The following CCDC144A variants were observed in gnomAD, a reference collection of about 807,000 sequenced individuals.
The protein encoded by CCDC144A is coiled-coil domain-containing protein 144A.
CCDC144A carries 41 observed loss-of-function variants against 143.8 expected under a neutral mutation model. The observed-to-expected ratio is 0.29, with a 90% CI of 0.22 to 0.37. The LOEUF (loss-of-function observed/expected upper bound fraction) is 0.37. Among genes scored for constraint, CCDC144A ranks in the 10% least tolerant of loss-of-function variants. The pLI is 1.00. For synonymous variants in CCDC144A, 242 were observed against 517.9 expected, an observed-to-expected ratio of 0.47 and a Z score of 7.23; for missense variants, 637 against 1,488.8, an observed-to-expected ratio of 0.43 and a Z score of 9.41.
intron 5 of CCDC144A, among the ~76,000 whole-genome samples, chr17:16,711,153 A>C (rs1490525098): frequency 7.2e-5 from 10 of 139,012 alleles, no homozygotes; most frequent in South Asian, 2.4e-4. Context: ...AAAAAAAAAA[A>C]AAAAACAAAA....
chr17:16,692,165 T>C (rs1911126888), intron 1 of CCDC144A, among the ~76,000 whole-genome samples: 1 of 152,152 alleles, frequency 6.6e-6, no homozygotes, highest in Non-Finnish European at 1.5e-5. Context: ...TTGTTTTCCA[T>C]GTCAGTTGGA....
At chr17:16,723,426 C>T (rs952441689) in intron 8 of CCDC144A, among the ~76,000 whole-genome samples, 3 of 152,058 alleles carry the variant, frequency 2.0e-5, no homozygotes, top group Non-Finnish European at 4.4e-5. Flanking sequence ...TTGACCTCCT[C>T]ATAGTGTGTG....
chr17:16,740,687 A>G (rs536408314), intron 12 of CCDC144A, among the ~76,000 whole-genome samples: 15 of 152,298 alleles, frequency 9.8e-5, no homozygotes, highest in African/African-American at 2.9e-4. Context: ...AACTGATTCC[A>G]TAATATTTTG....
At chr17:16,703,349 C>T (rs532591107) in intron 2 of CCDC144A, among the ~76,000 whole-genome samples, 244 of 151,830 alleles carry the variant, frequency 1.6e-3, no homozygotes, top group Admixed American at 3.3e-3. Context: ...ACACAGGAAG[C>T]TCTGGTTTTC....
chr17:16,679,611 T>C, the CCDC144A span, among the ~76,000 whole-genome samples: 1 of 152,124 alleles, frequency 6.6e-6, no homozygotes. Context: ...TTCTTCACAC[T>C]GTTCTCAGTA....
Position 16,755,729 on chromosome 17 carries a change from T to G in CCDC144A, c.3373-5696T>G, listed in dbSNP as rs1915049722. Among the ~76,000 whole-genome samples, 8 of 152,290 alleles carry G rather than the reference T, an allele frequency of 5.3e-5. No homozygotes were observed. In the South Asian group the frequency reaches 1.7e-3, roughly 32 times the overall value. ...CATGAGCCACCATGCCTGGCTAATT[T>G]TGTATATTTTTAGTAGAGACAGGGT... is the stretch of plus-strand genomic sequence containing the variant. On this transcript the variant is annotated intron_variant, in intron 12 of 16. Coordinates refer to ENST00000399273, the MANE Select transcript of CCDC144A (RefSeq NM_001382000.1).
upstream of CCDC144A, among the ~76,000 whole-genome samples, chr17:16,689,036 T>A (rs1437921055): frequency 7.2e-5 from 11 of 152,130 alleles, no homozygotes. Flanking sequence ...CCCTGAGGCT[T>A]CAGTGACAAA....
intron 12 of CCDC144A, among the ~76,000 whole-genome samples, chr17:16,760,065 T>C (rs2687997): frequency 0.061 from 8,837 of 145,050 alleles, no homozygotes; most frequent in South Asian, 0.085. Context: ...TGAGGGTTCA[T>C]GGTATGGTTT....
intron 12 of CCDC144A, among the ~76,000 whole-genome samples, chr17:16,754,086 T>G (rs1341871359): frequency 6.6e-6 from 1 of 152,210 alleles, no homozygotes; most frequent in Non-Finnish European, 1.5e-5. Context: ...AATGTATCCA[T>G]TTTCCATACG....
rs557532210 is a variant in CCDC144A, at chr17:16,746,673, A to G, written c.3372+11030A>G. 54 of 1,611,428 alleles carry G rather than the reference A, an allele frequency of 3.4e-5. No homozygotes were observed. The South Asian group carries it at 5.8e-4, about 17-fold the overall frequency. On this transcript the variant is annotated intron_variant, in intron 12 of 16. Transcript: ENST00000399273. Reference sequence around the variant, plus strand: ...TAAAGACTCAGGTCGGCGGCGAAGAACTCGAAGTAGTCGTGTGCTGGCAGC... The same window carrying G: ...TAAAGACTCAGGTCGGCGGCGAAGAGCTCGAAGTAGTCGTGTGCTGGCAGC...
intron 2 of CCDC144A, among the ~76,000 whole-genome samples, chr17:16,698,781 A>G (rs1911559616): frequency 6.6e-6 from 1 of 152,240 alleles, no homozygotes; most frequent in Non-Finnish European, 1.5e-5. Flanking sequence ...TTGTGACACA[A>G]TTTCAGGTTT....
chr17:16,712,801 A>G (rs1912530003), intron 6 of CCDC144A, among the ~76,000 whole-genome samples: 2 of 152,198 alleles, frequency 1.3e-5, no homozygotes, highest in African/African-American at 2.4e-5. Flanking sequence ...CCAGGAGTGT[A>G]CTGATTATTT....
At position 16,734,834 on chromosome 17, in the gene CCDC144A, G is replaced by T. The variant is rs946961343; in HGVS notation, c.2563G>T (p.Ala855Ser). Residue 855 changes from alanine (A) to serine (S), a missense_variant, in exon 12 of 17, where the codon GCT (alanine) becomes TCT (serine). Transcript: ENST00000399273. ...AAAGAAATATTTTGAGGACATTGAG[G>T]CTGTGAAAGAAAAGAATGATAACCT... ...KEKKYFEDIE[A>S]VKEKNDNLQK... is the part of the protein sequence containing the mutation. 2 of 1,563,422 alleles carry T rather than the reference G, an allele frequency of 1.3e-6. No homozygotes were observed. Among genetic ancestry groups the T allele is most frequent in the East Asian group, 4.6e-5 (2 of 43,664 alleles).
chr17:16,687,201 A>G (rs989190070), upstream of CCDC144A, among the ~76,000 whole-genome samples: 1 of 152,030 alleles, frequency 6.6e-6, no homozygotes, highest in African/African-American at 2.4e-5. Flanking sequence ...GTTGTTCTGA[A>G]GATCCTTTTT....
intron 12 of CCDC144A, among the ~76,000 whole-genome samples, chr17:16,759,014 G>A (rs1483749779): frequency 6.6e-6 from 1 of 152,200 alleles, no homozygotes; most frequent in Admixed American, 6.5e-5. Flanking sequence ...GGAATTTGAG[G>A]CACCACCTTA....
chr17:16,748,792 A>G (rs1198904954), intron 12 of CCDC144A, among the ~76,000 whole-genome samples: 1 of 151,962 alleles, frequency 6.6e-6, no homozygotes, highest in East Asian at 1.9e-4. Flanking sequence ...TCATGATTTC[A>G]ATTTCCTCGT....
chr17:16,676,504 C>G, the CCDC144A span, among the ~76,000 whole-genome samples: 1 of 148,558 alleles, frequency 6.7e-6, no homozygotes, highest in South Asian at 2.1e-4. Context: ...GAGCGGGACT[C>G]CGTCTCCAAA....
At chr17:16,756,924 G>A (rs1302336476) in intron 12 of CCDC144A, among the ~76,000 whole-genome samples, 1 of 152,248 alleles carries the variant, frequency 6.6e-6, no homozygotes, top group Non-Finnish European at 1.5e-5. Context: ...AGTGGCTTAC[G>A]GTGTGGTTGT....
upstream of CCDC144A, among the ~76,000 whole-genome samples, chr17:16,685,510 A>G (rs1045498167): frequency 1.3e-5 from 2 of 152,022 alleles, no homozygotes; most frequent in South Asian, 4.2e-4. Context: ...CCTCCTGAGT[A>G]ACTGGGATTA....
Sources: gnomAD v4.1 joint callset for allele counts (sites outside exome capture counted in the v4.1 genomes callset) on GRCh38, gnomAD v4.1.1 for gene constraint, MANE v1.5 for transcripts, NCBI Gene and HGNC (gene_info 2026-07-23, HGNC 2026-07-21) for gene names.